The following CDH12 variants were observed in gnomAD, a reference collection of about 807,000 sequenced individuals.
CDH12 encodes cadherin 12.
A neutral mutation model predicts 74.1 loss-of-function variants in CDH12; 41 were observed. The observed-to-expected ratio is 0.55, with a 90% CI of 0.43 to 0.72. The LOEUF is 0.72. Ranked by LOEUF, CDH12 falls within the 30% of genes least tolerant of loss-of-function variation. The probability of loss-of-function intolerance (pLI) is 0.00; values close to 1 mark genes in which losing one functional copy is unlikely to be tolerated. For missense variants in CDH12, 945 were observed against 977.2 expected, an observed-to-expected ratio of 0.97 and a Z score of 0.44; for synonymous variants, 399 against 355.0, an observed-to-expected ratio of 1.12 and a Z score of -1.39.
At chr5:22,508,473 G>T (rs1344412629) in intron 1 of CDH12, among the ~76,000 whole-genome samples, 2 of 152,164 alleles carry the variant, frequency 1.3e-5, no homozygotes, top group Admixed American at 6.6e-5. Flanking sequence ...CATCTGTAAA[G>T]AATTTCTATT....
intron 3 of CDH12, among the ~76,000 whole-genome samples, chr5:22,349,027 G>A (rs1467562553): frequency 6.6e-6 from 1 of 152,212 alleles, no homozygotes; most frequent in Non-Finnish European, 1.5e-5. Context: ...TAAGAGTAGA[G>A]TCCTCATGAA....
intron 1 of CDH12, among the ~76,000 whole-genome samples, chr5:22,797,116 AG>A (rs1282018314): frequency 7.4e-6 from 1 of 135,304 alleles, no homozygotes; most frequent in Non-Finnish European, 1.6e-5. Context: ...TAGTATTCGG[AG>A]GGGGGCATTT....
At chr5:22,802,863 G>A (rs570084509) in intron 1 of CDH12, among the ~76,000 whole-genome samples, 3 of 152,148 alleles carry the variant, frequency 2.0e-5, no homozygotes, top group Non-Finnish European at 4.4e-5. Context: ...ATATATACAC[G>A]TTTAAAAAAT....
intron 3 of CDH12, among the ~76,000 whole-genome samples, chr5:22,382,432 C>T (rs1463492336): frequency 6.6e-6 from 1 of 151,756 alleles, no homozygotes; most frequent in Non-Finnish European, 1.5e-5. Context: ...TGACTGTTAC[C>T]GGGCCCTGTA....
intron 5 of CDH12, among the ~76,000 whole-genome samples, chr5:22,020,635 T>G (rs1737914588): frequency 6.6e-6 from 1 of 151,982 alleles, no homozygotes; most frequent in Admixed American, 6.6e-5. Flanking sequence ...TCTTTCTGGC[T>G]TGATGATGCT....
chr5:22,297,305 G>A (rs1172186577), intron 3 of CDH12, among the ~76,000 whole-genome samples: 1 of 152,124 alleles, frequency 6.6e-6, no homozygotes, highest in Non-Finnish European at 1.5e-5. Flanking sequence ...ACAGGCATAA[G>A]CCACCGCGCC....
intron 2 of CDH12, among the ~76,000 whole-genome samples, chr5:22,478,277 G>A (rs1392884425): frequency 1.3e-5 from 2 of 151,776 alleles, no homozygotes; most frequent in Admixed American, 6.6e-5. Context: ...AATAAGCCGG[G>A]CGAGGTGGCG....
chr5:22,699,902 C>T (rs781210569), intron 1 of CDH12, among the ~76,000 whole-genome samples: 8 of 152,122 alleles, frequency 5.3e-5, no homozygotes, highest in Non-Finnish European at 7.3e-5. Context: ...CAGCCAGGAA[C>T]GATGGCGCAC....
At chr5:22,019,666 C>T (rs1211824338) in intron 5 of CDH12, among the ~76,000 whole-genome samples, 1 of 152,150 alleles carries the variant, frequency 6.6e-6, no homozygotes, top group Non-Finnish European at 1.5e-5. Context: ...TCTTGGACTT[C>T]CACCCTCCAT....
At chr5:22,028,256 G>A (rs1738525923) in intron 5 of CDH12, among the ~76,000 whole-genome samples, 1 of 152,028 alleles carries the variant, frequency 6.6e-6, no homozygotes, top group African/African-American at 2.4e-5. Flanking sequence ...GGAAGTTCTG[G>A]CCAGGGCAAT....
At chr5:22,673,586 T>A (rs991699104) in intron 1 of CDH12, among the ~76,000 whole-genome samples, 2 of 152,164 alleles carry the variant, frequency 1.3e-5, no homozygotes, top group African/African-American at 2.4e-5. Flanking sequence ...TGCATAGTTT[T>A]TGCTTATTTC....
chr5:22,767,044 C>T (rs1746551337), intron 1 of CDH12, among the ~76,000 whole-genome samples: 1 of 151,906 alleles, frequency 6.6e-6, no homozygotes, highest in Non-Finnish European at 1.5e-5. Flanking sequence ...TCAGAACACA[C>T]TTATATACTT....
At chr5:21,873,405 T>C (rs1275741638) in intron 6 of CDH12, among the ~76,000 whole-genome samples, 1 of 152,184 alleles carries the variant, frequency 6.6e-6, no homozygotes, top group Non-Finnish European at 1.5e-5. Flanking sequence ...AAAATTCTCT[T>C]GTACCCCCTT....
intron 1 of CDH12, among the ~76,000 whole-genome samples, chr5:22,654,854 C>A (rs1358350539): frequency 4.6e-5 from 7 of 151,864 alleles, no homozygotes; most frequent in African/African-American, 9.7e-5. Flanking sequence ...TGGTCTCGAA[C>A]TCCCGACCTC....
Position 21,833,216 on chromosome 5 carries a change from ATT to A in CDH12, c.814+8943_814+8944del, listed in dbSNP as rs1302895071. The stretch of plus-strand genomic sequence containing the variant: ...ATATAATATATATATTATAATATAT[ATT>A]ATATGTTATATAACATATAATATAT... On this transcript the variant is annotated intron_variant, in intron 8 of 14. Coordinates refer to ENST00000382254, the MANE Select transcript of CDH12 (RefSeq NM_004061.5). Among the ~76,000 whole-genome samples, 8 of 44,672 alleles carry A rather than the reference ATT, an allele frequency of 1.8e-4. 1 individual carries two copies. The highest frequency in any genetic ancestry group is 2.5e-4 in the Non-Finnish European group (8 of 32,204). 29.3% of individuals were successfully genotyped at this position (44,672 alleles called of 152,430 possible). A position where few individuals can be genotyped will look rare whatever the true frequency, so the allele number is the denominator to read the frequency against.
intron 6 of CDH12, among the ~76,000 whole-genome samples, chr5:21,880,509 C>T (rs1169009606): frequency 4.3e-4 from 32 of 75,034 alleles, no homozygotes; most frequent in African/African-American, 1.1e-3. Context: ...CTTCCTCCCT[C>T]CCTCCCTCTT....
chr5:22,598,793 C>T (rs1383386716), intron 1 of CDH12, among the ~76,000 whole-genome samples: 1 of 152,180 alleles, frequency 6.6e-6, no homozygotes, highest in South Asian at 2.1e-4. Flanking sequence ...CAACTATACA[C>T]ATATGCACAC....
intron 3 of CDH12, among the ~76,000 whole-genome samples, chr5:22,396,852 T>G (rs1247982730): frequency 3.3e-5 from 5 of 152,134 alleles, no homozygotes; most frequent in Non-Finnish European, 7.4e-5. Context: ...GGGCATGGTT[T>G]CTCTCCTACT....
chr5:21,842,364 C>T (rs1415371536), intron 7 of CDH12, 36 bp from the exon 8 acceptor site: 1 of 1,392,488 alleles, frequency 7.2e-7, no homozygotes, highest in East Asian at 2.4e-5. Flanking sequence ...AAATAAATAT[C>T]ACAAATGCTC....
Sources: allele counts gnomAD v4.1 joint callset (sites outside exome capture counted in the v4.1 genomes callset), GRCh38; gene constraint gnomAD v4.1.1; transcripts MANE v1.5; gene names NCBI Gene and HGNC (gene_info 2026-07-23, HGNC 2026-07-21).